SEMA6D: variants seen among roughly 807,000 people sequenced by gnomAD.
SEMA6D encodes the protein semaphorin 6D.
Under a neutral mutation model 106.6 loss-of-function variants are expected in SEMA6D, and 35 were observed. The ratio of observed to expected loss-of-function variants is 0.33; its 90% CI spans 0.25 to 0.44. The LOEUF (loss-of-function observed/expected upper bound fraction) is 0.44, where lower values mean the gene tolerates loss of function less well. Among genes scored for constraint, SEMA6D ranks in the 20% least tolerant of loss-of-function variants. The pLI is 1.00. For missense variants in SEMA6D, 1,185 were observed against 1,345.9 expected, an observed-to-expected ratio of 0.88 and a Z score of 1.87; for synonymous variants, 499 against 487.7, an observed-to-expected ratio of 1.02 and a Z score of -0.31.
Position 47,763,833 on chromosome 15 carries a change from T to G in SEMA6D, c.748-17T>G. 1.9e-6 allele frequency: 3 copies of G among 1,609,888 alleles called. No individual in the cohort carries two copies. The highest frequency in any genetic ancestry group is 2.5e-6 in the Non-Finnish European group (3 of 1,177,558). Reference sequence around the variant, plus strand: ...CATGCTCATAACCCCATTGCTTTGCTTCTATCCGTTGGGCAGGCTGTGTAT... The same window carrying G: ...CATGCTCATAACCCCATTGCTTTGCGTCTATCCGTTGGGCAGGCTGTGTAT... On this transcript the variant is annotated splice_polypyrimidine_tract_variant and intron_variant, in intron 9 of 18. Coordinates refer to ENST00000536845, the MANE Select transcript of SEMA6D (RefSeq NM_001358351.3).
Position 47,759,910 on chromosome 15 carries a change from A to G in SEMA6D, c.109+3A>G. 1.3e-6 allele frequency: 2 copies of G among 1,582,446 alleles called. No individual in the cohort carries two copies. The highest frequency in any genetic ancestry group is 1.7e-6 in the Non-Finnish European group (2 of 1,151,416). ...CCTTAATACTGTCGACTATCACTGT[A>G]AGTCGTCTCAAGAACAGTCTTCTAT... On this transcript the variant is annotated splice_donor_region_variant and intron_variant, in intron 2 of 18. Transcript: ENST00000536845.
At chr15:47,689,132 G>A (rs1286516481) in intron 4 of SEMA6D, among the ~76,000 whole-genome samples, 1 of 152,168 alleles carries the variant, frequency 6.6e-6, no homozygotes, top group Non-Finnish European at 1.5e-5. Context: ...TATGAGCTTA[G>A]ACTTTACATG....
intron 1 of SEMA6D, among the ~76,000 whole-genome samples, chr15:47,382,978 C>T (rs568830981): frequency 3.2e-4 from 48 of 152,336 alleles, no homozygotes; most frequent in African/African-American, 1.2e-3. Context: ...GTTGGCCAGG[C>T]TGGTCTCAAA....
intron 1 of SEMA6D, among the ~76,000 whole-genome samples, chr15:47,400,064 T>C (rs1447435449): frequency 6.6e-6 from 1 of 152,208 alleles, no homozygotes; most frequent in Non-Finnish European, 1.5e-5. Context: ...CCTTAAGCTA[T>C]TTAAGAGTTC....
chr15:47,769,099 G>A (rs936796353), intron 18 of SEMA6D, among the ~76,000 whole-genome samples: 10 of 152,152 alleles, frequency 6.6e-5, no homozygotes, highest in African/African-American at 2.4e-4. Flanking sequence ...CAAATATCCT[G>A]ATATCAGATG....
intron 4 of SEMA6D, among the ~76,000 whole-genome samples, chr15:47,692,947 TAG>T (rs1316471311): frequency 5.9e-5 from 9 of 152,050 alleles, no homozygotes; most frequent in Admixed American, 5.2e-4. Context: ...CAAAAAGGAG[TAG>T]AGAGTATCCC....
chr15:47,391,111 T>G (rs1258998323), intron 1 of SEMA6D, among the ~76,000 whole-genome samples: 2 of 152,174 alleles, frequency 1.3e-5, no homozygotes, highest in Non-Finnish European at 2.9e-5. Context: ...TGAGGATATT[T>G]CCTCTTAAGT....
intron 1 of SEMA6D, among the ~76,000 whole-genome samples, chr15:47,357,762 A>G (rs1453460040): frequency 6.6e-6 from 1 of 152,216 alleles, no homozygotes; most frequent in East Asian, 1.9e-4. Context: ...TCACAGACAC[A>G]CAAAGGATCA....
intron 1 of SEMA6D, among the ~76,000 whole-genome samples, chr15:47,381,907 C>G (rs1483853415): frequency 6.6e-6 from 1 of 152,112 alleles, no homozygotes; most frequent in African/African-American, 2.4e-5. Context: ...TGGCCCCTCT[C>G]TGCTCTTCAT....
chr15:47,625,807 A>T (rs2077192279), intron 4 of SEMA6D, among the ~76,000 whole-genome samples: 2 of 152,146 alleles, frequency 1.3e-5, no homozygotes, highest in Admixed American at 1.3e-4. Context: ...GTTAAACTTT[A>T]TGCAACATTT....
At chr15:47,760,135 A>G (rs1238558637) in intron 2 of SEMA6D, among the ~76,000 whole-genome samples, 169 bp from the exon 3 acceptor site, 1 of 151,600 alleles carries the variant, frequency 6.6e-6, no homozygotes, top group African/African-American at 2.4e-5. Context: ...TTGAGTTAAA[A>G]AGACCATTTG....
chr15:47,698,452 C>T (rs1230882183), intron 4 of SEMA6D, among the ~76,000 whole-genome samples: 1 of 152,206 alleles, frequency 6.6e-6, no homozygotes, highest in Non-Finnish European at 1.5e-5. Context: ...TTCTTCAAGG[C>T]ATGGCTTCCA....
intron 4 of SEMA6D, among the ~76,000 whole-genome samples, chr15:47,627,576 TATA>T (rs908809871): frequency 2.6e-5 from 4 of 152,146 alleles, no homozygotes; most frequent in African/African-American, 9.7e-5. Flanking sequence ...GTGCTAAATG[TATA>T]ATAAGTACTC....
intron 3 of SEMA6D, among the ~76,000 whole-genome samples, chr15:47,567,466 G>T (rs2046260798): frequency 1.3e-5 from 2 of 152,134 alleles, no homozygotes; most frequent in Non-Finnish European, 2.9e-5. Context: ...TCTCAAAATT[G>T]TTCTTTCTTC....
intron 3 of SEMA6D, among the ~76,000 whole-genome samples, chr15:47,546,639 G>A (rs1394494806): frequency 6.6e-6 from 1 of 151,514 alleles, no homozygotes. Flanking sequence ...TCCTCCCCCA[G>A]CCCCCTAACC....
chr15:47,770,266 CA>C (rs2082559917), intron 18 of SEMA6D, among the ~76,000 whole-genome samples: 1 of 152,016 alleles, frequency 6.6e-6, no homozygotes, highest in South Asian at 2.1e-4. Flanking sequence ...CAGAAGAATA[CA>C]GATCAGTGGG....
chr15:47,597,241 G>A (rs1300165247), intron 3 of SEMA6D, among the ~76,000 whole-genome samples: 3 of 151,960 alleles, frequency 2.0e-5, no homozygotes, highest in African/African-American at 7.2e-5. Context: ...GAGGATGGGG[G>A]AAAAGAAAAT....
chr15:47,458,095 A>G (rs1463601305), intron 2 of SEMA6D, among the ~76,000 whole-genome samples: 1 of 152,006 alleles, frequency 6.6e-6, no homozygotes, highest in African/African-American at 2.4e-5. Context: ...TTTCAGACAA[A>G]CAAGAGCTGA....
At chr15:47,545,439 A>G (rs950050841) in intron 3 of SEMA6D, among the ~76,000 whole-genome samples, 3 of 152,020 alleles carry the variant, frequency 2.0e-5, no homozygotes, top group Non-Finnish European at 4.4e-5. Flanking sequence ...ATACCAAACC[A>G]CATTATAATT....
Sources: allele counts gnomAD v4.1 joint callset (sites outside exome capture counted in the v4.1 genomes callset), GRCh38; gene constraint gnomAD v4.1.1; transcripts MANE v1.5; gene names NCBI Gene and HGNC (gene_info 2026-07-23, HGNC 2026-07-21).